CRY1: variants seen among roughly 807,000 people sequenced by gnomAD.
CRY1 encodes cryptochrome-1.
CRY1 carries 45 observed loss-of-function variants against 76.0 expected under a neutral mutation model. The observed-to-expected ratio is 0.59, with a 90% confidence interval of 0.47 to 0.76. The LOEUF (loss-of-function observed/expected upper bound fraction) is 0.76. Among genes scored for constraint, CRY1 ranks in the 30% least tolerant of loss-of-function variants. CRY1 has a pLI of 0.00. For missense variants in CRY1, 587 were observed against 716.4 expected (o/e 0.82, Z 2.06); for synonymous variants, 248 against 244.0 (o/e 1.02, Z -0.15).
intron 1 of CRY1, among the ~76,000 whole-genome samples, chr12:107,052,558 A>C (rs1170770816): frequency 6.6e-6 from 1 of 152,226 alleles, no homozygotes; most frequent in African/African-American, 2.4e-5. Context: ...CATAAAGTTA[A>C]AGGGGAAACT....
intron 1 of CRY1, among the ~76,000 whole-genome samples, chr12:107,088,377 G>A (rs1953428739): frequency 6.6e-6 from 1 of 152,188 alleles, no homozygotes. Context: ...CAGAACCAGA[G>A]GCTGAAGCCA....
chr12:106,994,332 G>A (rs1476558340), intron 10 of CRY1, among the ~76,000 whole-genome samples: 3 of 152,062 alleles, frequency 2.0e-5, no homozygotes, highest in African/African-American at 7.2e-5. Context: ...ACTCAATCCT[G>A]CCACCTTTCA....
In CRY1 at chr12:107,001,424, C is replaced by T. The variant is rs1030436338; in HGVS notation, c.596-56G>A. The T allele has an allele frequency of 9.9e-6, 14 of 1,411,078 alleles. No individual in the cohort carries two copies. In the African/African-American group the frequency reaches 2.0e-4, roughly 20 times the overall value. 87.4% of individuals were successfully genotyped at this position (1,411,078 alleles called of 1,614,324 possible). ...CTTCCGAAACTAATTTTTATTTAAC[C>T]CCAATAACTGGGAGAACAAATTACT... is the stretch of plus-strand genomic sequence containing the variant. On this transcript the variant is annotated intron_variant, in intron 4 of 12. Transcript: ENST00000008527.
intron 1 of CRY1, among the ~76,000 whole-genome samples, chr12:107,050,843 G>C (rs1310349663): frequency 6.6e-6 from 1 of 152,154 alleles, no homozygotes; most frequent in Non-Finnish European, 1.5e-5. Context: ...TGGGTGTTTG[G>C]ATGTCAATTA....
intron 2 of CRY1, among the ~76,000 whole-genome samples, chr12:107,007,527 C>A (rs1033301549): frequency 2.0e-5 from 3 of 150,324 alleles, no homozygotes; most frequent in Admixed American, 2.0e-4. Flanking sequence ...AACTCTTTTT[C>A]TTCTTTTTTT....
intron 1 of CRY1, among the ~76,000 whole-genome samples, chr12:107,078,631 C>A (rs1211031074): frequency 1.3e-5 from 2 of 152,156 alleles, no homozygotes; most frequent in African/African-American, 4.8e-5. Flanking sequence ...ATGCACAGAT[C>A]CAATGTCTAT....
intron 1 of CRY1, among the ~76,000 whole-genome samples, chr12:107,070,941 T>G (rs1457439246): frequency 1.3e-5 from 2 of 151,430 alleles, no homozygotes; most frequent in African/African-American, 4.9e-5. Context: ...CCTGACCTGG[T>G]GATCCCCCTG....
chr12:107,061,110 A>G (rs902711704), intron 1 of CRY1, among the ~76,000 whole-genome samples: 1 of 152,354 alleles, frequency 6.6e-6, no homozygotes, highest in South Asian at 2.1e-4. Flanking sequence ...ATCTATGGCT[A>G]TAACAACTAT....
At chr12:107,029,730 G>A (rs1040017852) in intron 1 of CRY1, among the ~76,000 whole-genome samples, 1 of 151,808 alleles carries the variant, frequency 6.6e-6, no homozygotes, top group Admixed American at 6.6e-5. Flanking sequence ...TGATTTATGA[G>A]TCATACAAAG....
chr12:107,012,411 T>C (rs1952455337), intron 2 of CRY1, among the ~76,000 whole-genome samples: 2 of 152,350 alleles, frequency 1.3e-5, no homozygotes, highest in South Asian at 2.1e-4. Flanking sequence ...GTTTACAACA[T>C]GGTTTATACA....
chr12:107,037,566 T>C (rs1259382468), intron 1 of CRY1, among the ~76,000 whole-genome samples: 1 of 152,124 alleles, frequency 6.6e-6, no homozygotes, highest in Non-Finnish European at 1.5e-5. Flanking sequence ...CAGGTTCTAC[T>C]GGGAGTCAAT....
chr12:107,028,282 CT>C (rs1241095853), intron 1 of CRY1, among the ~76,000 whole-genome samples: 1 of 151,916 alleles, frequency 6.6e-6, no homozygotes, highest in Non-Finnish European at 1.5e-5. Flanking sequence ...TACATATGCT[CT>C]TTTTTCTGGT....
intron 1 of CRY1, among the ~76,000 whole-genome samples, chr12:107,051,379 A>G (rs1330039805): frequency 6.6e-6 from 1 of 152,198 alleles, no homozygotes; most frequent in African/African-American, 2.4e-5. Context: ...TTAGTGACCA[A>G]TAAAATGCAG....
chr12:106,995,619 CA>C (rs1362773209), intron 10 of CRY1, among the ~76,000 whole-genome samples: 1 of 152,074 alleles, frequency 6.6e-6, no homozygotes, highest in Non-Finnish European at 1.5e-5. Flanking sequence ...GCTCTTTTAT[CA>C]CATGTATAGA....
chr12:106,992,828 G>A lies in CRY1; in HGVS notation c.1720C>T (p.Gln574Ter). 1 of 1,613,960 alleles carries A rather than the reference G, an allele frequency of 6.2e-7. No individual in the cohort carries two copies. Among genetic ancestry groups the A allele is most frequent in the Non-Finnish European group, 8.5e-7 (1 of 1,179,912 alleles). Residue 574 changes from glutamine to a stop codon, truncating the protein, a stop_gained, in exon 12 of 13, where the codon CAG (glutamine) becomes TAG (stop). Transcript: ENST00000008527. LOFTEE classifies it high-confidence loss of function. ...GKRPSQEEDTQSIGPKVQRQS... is the reference protein window; with the variant it reads ...GKRPSQEEDT ...CTCTGGACTTTAGGACCAATACTCT[G>A]TGTGTCCTCTTCCTGACTAGGACGT...
intron 1 of CRY1, among the ~76,000 whole-genome samples, chr12:107,037,805 C>T (rs1408469386): frequency 6.6e-6 from 1 of 152,080 alleles, no homozygotes; most frequent in Non-Finnish European, 1.5e-5. Flanking sequence ...AATTCCTAGG[C>T]TTAAACGATC....
Position 106,991,949 on chromosome 12 carries a change from G to A in CRY1, c.*53C>T, listed in dbSNP as rs965520168. ...TATTTTTAAATAACTTAATTGAAAA[G>A]TATTGAACTCCCCACCAATTTCAGC... On this transcript the variant is annotated 3_prime_UTR_variant, in exon 13 of 13. Coordinates refer to ENST00000008527, the MANE Select transcript of CRY1 (RefSeq NM_004075.5). The A allele has an allele frequency of 6.6e-6, 1 of 152,246 alleles. No homozygotes were observed. The highest frequency in any genetic ancestry group is 1.9e-4 in the East Asian group (1 of 5,202). The allele number at this position is 152,246 out of a possible 1,614,324, so 9.4% of individuals were successfully genotyped here. A position where few individuals can be genotyped will look rare whatever the true frequency, so the allele number is the denominator to read the frequency against.
chr12:107,037,494 T>C (rs376759621), intron 1 of CRY1, among the ~76,000 whole-genome samples: 134 of 151,878 alleles, frequency 8.8e-4, no homozygotes, highest in African/African-American at 3.1e-3. Context: ...ATCACACCAT[T>C]GCACTCCAGT....
intron 1 of CRY1, among the ~76,000 whole-genome samples, chr12:107,065,183 C>T (rs1953095651): frequency 6.6e-6 from 1 of 152,088 alleles, no homozygotes; most frequent in Admixed American, 6.5e-5. Flanking sequence ...GCAATTCCAG[C>T]TACTCAGGAA....
Sources: gnomAD v4.1 joint callset for allele counts (sites outside exome capture counted in the v4.1 genomes callset) on GRCh38, gnomAD v4.1.1 for gene constraint, MANE v1.5 for transcripts, NCBI Gene and HGNC (gene_info 2026-07-23, HGNC 2026-07-21) for gene names.